Variants in MARF1 observed in about 807,000 individuals in gnomAD.
MARF1 encodes the protein limkain-b1.
A neutral mutation model predicts 168.2 loss-of-function variants in MARF1; 24 were observed. The observed-to-expected ratio is 0.14, with a 90% CI of 0.10 to 0.20. The LOEUF (loss-of-function observed/expected upper bound fraction) is 0.20. MARF1 is among the 10% of genes least tolerant of loss of function. The probability of loss-of-function intolerance (pLI) is 1.00; values close to 1 mark genes in which losing one functional copy is unlikely to be tolerated. For missense variants in MARF1, 1,744 were observed against 2,143.6 expected, an observed-to-expected ratio of 0.81 and a Z score of 3.68; for synonymous variants, 868 against 822.4, an observed-to-expected ratio of 1.06 and a Z score of -0.95.
Position 15,625,624 on chromosome 16 carries a change from T to C in MARF1, c.1701A>G (p.Arg567=). ...TACCAAAGACATCTTCGTTTTCCAT[T>C]CGCTTCTGAGCGCGCTCTGCACTAT... ...NQDSAERAQK[R]MENEDVFGNR... is the part of the protein sequence containing the mutation. The change falls in exon 8 of 27, where the codon CGA becomes CGG. Residue 567 remains arginine, a synonymous_variant. Coordinates refer to ENST00000396368, the MANE Select transcript of MARF1 (RefSeq NM_014647.4). 1.9e-6 allele frequency: 3 copies of C among 1,614,254 alleles called. No homozygotes were observed. The highest frequency in any genetic ancestry group is 2.5e-6 in the Non-Finnish European group (3 of 1,180,048).
chr16:15,621,707 A>C, intron 12 of MARF1, 26 bp downstream of exon 12: 4 of 1,595,362 alleles, frequency 2.5e-6, no homozygotes, highest in Non-Finnish European at 3.4e-6. Flanking sequence ...TTATTTCCTG[A>C]AATAAACAGC....
chr16:15,604,770 C>T (rs72770191), intron 21 of MARF1, among the ~76,000 whole-genome samples: 7,897 of 151,970 alleles, frequency 0.052, 269 homozygotes, highest in South Asian at 0.081. Context: ...TTGCTGTGCT[C>T]GAAGGGGGGT....
At chr16:15,623,217 G>A (rs1013796287) in intron 10 of MARF1, 94 bp from the exon 11 acceptor site, 80 of 850,802 alleles carry the variant, frequency 9.4e-5, no homozygotes, top group Non-Finnish European at 1.2e-4. Context: ...ATATACAGAA[G>A]CAGATTTTCC....
chr16:15,602,117 A>T lies in MARF1; in HGVS notation c.4500T>A (p.Thr1500=). ...FAKNVRSLLH[T]YHYQQIFLHE... ...GAAGGAAAATCTGCTGGTAGTGGTA[A>T]GTATGAAGTAAAGACCGCACATTCT... Residue 1500 remains threonine (T), a synonymous_variant, in exon 23 of 27, where the codon ACT becomes ACA. Coordinates refer to ENST00000396368, the MANE Select transcript of MARF1 (RefSeq NM_014647.4). 6.2e-7 allele frequency: 1 copy of T among 1,614,202 alleles called. No homozygotes were observed. Among genetic ancestry groups the T allele is most frequent in the Non-Finnish European group, 8.5e-7 (1 of 1,180,010 alleles).
chr16:15,621,267 C>G (rs1051753338), intron 12 of MARF1, among the ~76,000 whole-genome samples: 1 of 152,140 alleles, frequency 6.6e-6, no homozygotes, highest in Non-Finnish European at 1.5e-5. Flanking sequence ...TGAATAAAAC[C>G]ATCACCAGAC....
Position 15,600,479 on chromosome 16 carries a change from C to T in MARF1, c.4762G>A (p.Val1588Met). The T allele has an allele frequency of 1.2e-6, 2 of 1,614,176 alleles. No individual in the cohort carries two copies. The highest frequency in any genetic ancestry group is 1.3e-5 in the African/African-American group (1 of 75,040). Residue 1588 changes from valine to methionine, a missense_variant, in exon 25 of 27, where the codon GTG (valine) becomes ATG (methionine). Val to Met is a conservative substitution (Grantham distance 21). Around this residue, in one of 7 missense-constraint regions of MARF1, gnomAD observed 313 missense variants for 337.4 expected, o/e 0.93. Coordinates refer to ENST00000396368, the MANE Select transcript of MARF1 (RefSeq NM_014647.4). ...QPSEGERILEVPESHTASELK... is the reference protein window; with the variant it reads ...QPSEGERILEMPESHTASELK... ...TCCGAGGCTGTGTGCGATTCGGGCA[C>T]CTCCAGGATGCGCTCGCCCTCCGAG...
chr16:15,598,103 C>T (rs1422591579), intron 26 of MARF1, among the ~76,000 whole-genome samples: 2 of 152,154 alleles, frequency 1.3e-5, no homozygotes, highest in African/African-American at 4.8e-5. Context: ...GGGATCTGTA[C>T]AGGGCAGATG....
intron 17 of MARF1, among the ~76,000 whole-genome samples, chr16:15,612,087 G>A (rs2033614795): frequency 6.6e-6 from 1 of 152,330 alleles, no homozygotes; most frequent in South Asian, 2.1e-4. Flanking sequence ...TTTTTAGTGA[G>A]TGGGAAGCTG....
chr16:15,597,270 C>T (rs1261705974), intron 26 of MARF1, among the ~76,000 whole-genome samples: 1 of 152,176 alleles, frequency 6.6e-6, no homozygotes, highest in Non-Finnish European at 1.5e-5. Context: ...TATTAAGGAC[C>T]CATAAAGCTA....
chr16:15,641,121 T>A (rs1202654578), intron 1 of MARF1, among the ~76,000 whole-genome samples: 1 of 152,080 alleles, frequency 6.6e-6, no homozygotes, highest in African/African-American at 2.4e-5. Context: ...TTCAAGTTTC[T>A]GTTTCCTCCT....
At chr16:15,599,194 T>C in intron 25 of MARF1, 170 bp from the exon 26 acceptor site, 1 of 633,848 alleles carries the variant, frequency 1.6e-6, no homozygotes, top group Non-Finnish European at 2.7e-6. Flanking sequence ...CAAAACCCAC[T>C]AACAGGAAGA....
In MARF1 at chr16:15,631,469, T is replaced by C. The variant is rs1009079932; in HGVS notation, c.1263A>G (p.Ala421=). Residue 421 remains alanine (A), a synonymous_variant, in exon 6 of 27, where the codon GCA becomes GCG. Coordinates refer to ENST00000396368, the MANE Select transcript of MARF1 (RefSeq NM_014647.4). ...QVTVAHINAT[A]KNAADDKLRQ... is the part of the protein sequence containing the mutation. Reference sequence around the variant, plus strand: ...GCAGTTTATCATCAGCGGCATTCTTTGCAGTAGCATTGATGTGGGCAACGG... The same window carrying C: ...GCAGTTTATCATCAGCGGCATTCTTCGCAGTAGCATTGATGTGGGCAACGG... 6 of 1,612,970 alleles carry C rather than the reference T, an allele frequency of 3.7e-6. No individual in the cohort carries two copies. Among genetic ancestry groups the C allele is most frequent in the Non-Finnish European group, 5.1e-6 (6 of 1,179,230 alleles).
chr16:15,635,206 A>T (rs967349336), intron 3 of MARF1: 2 of 442,896 alleles, frequency 4.5e-6, no homozygotes, highest in Middle Eastern at 5.9e-4. Flanking sequence ...GACCTCACAC[A>T]TATTTTACAT....
At position 15,608,324 on chromosome 16, in the gene MARF1, C is replaced by T. The variant is rs374982834; in HGVS notation, c.4149G>A (p.Ser1383=). 6.2e-6 allele frequency: 10 copies of T among 1,609,158 alleles called. No individual in the cohort carries two copies. The highest frequency in any genetic ancestry group is 2.2e-5 in the East Asian group (1 of 44,818). ...CATGGCAGAGTTTCTGAGTTAAAGC[C>T]GAAATGGAACTGACATCATAGTCTT... ...RLQDYDVSSI[S]ALTQKLCHVV... The change falls in exon 21 of 27, where the codon TCG becomes TCA. Residue 1383 remains serine (S), a synonymous_variant. Transcript: ENST00000396368.
chr16:15,630,566 A>C, intron 6 of MARF1, 62 bp from the exon 7 acceptor site: 1 of 1,471,764 alleles, frequency 6.8e-7, no homozygotes, highest in Middle Eastern at 2.5e-4. Flanking sequence ...ACAAAGACAG[A>C]CAACTCTATT....
In MARF1 at chr16:15,601,597, G is replaced by A. The variant is rs1163535811; in HGVS notation, c.4626+394C>T. ...GAATGCTCTCTCCCCTCCTTGTCAC[G>A]TGCTTCCCTCAGGCACATCCTTGAA... On this transcript the variant is annotated intron_variant, in intron 23 of 26. Transcript: ENST00000396368. 17 of 291,806 alleles carry A rather than the reference G, an allele frequency of 5.8e-5. No homozygotes were observed. In the East Asian group the frequency reaches 7.4e-4, roughly 13 times the overall value. The allele number at this position is 291,806 out of a possible 1,614,324, so 18.1% of individuals were successfully genotyped here. A position where few individuals can be genotyped will look rare whatever the true frequency, so the allele number is the denominator to read the frequency against.
chr16:15,635,681 A>C lies in MARF1; in HGVS notation c.806T>G (p.Leu269Arg). The C allele has an allele frequency of 6.2e-7, 1 of 1,613,970 alleles. No homozygotes were observed. Among genetic ancestry groups the C allele is most frequent in the Non-Finnish European group, 8.5e-7 (1 of 1,179,994 alleles). ...VVPPVCLKGSLYCEDCLNKPA... is the reference protein window; with the variant it reads ...VVPPVCLKGSRYCEDCLNKPA... ...CTTGTTTAGACAGTCTTCGCAGTAA[A>C]GTGAGCCCTTTAAACAAACCGGAGG... The change falls in exon 3 of 27, where the codon CTT (leucine) becomes CGT (arginine). Residue 269 changes from leucine (L) to arginine (R), a missense_variant. By Grantham distance (102) the Leu-to-Arg change is moderately radical. Coordinates refer to ENST00000396368, the MANE Select transcript of MARF1 (RefSeq NM_014647.4).
At chr16:15,612,938 A>G (rs1226618062) in intron 16 of MARF1, among the ~76,000 whole-genome samples, 161 bp from the exon 17 acceptor site, 1 of 152,194 alleles carries the variant, frequency 6.6e-6, no homozygotes, top group Non-Finnish European at 1.5e-5. Flanking sequence ...TTCAGGTCTC[A>G]TAGTCCAATA....
rs1488868104 is a variant in MARF1, at chr16:15,604,207, G to C, written c.4374C>G (p.Thr1458=). Residue 1458 remains threonine, a synonymous_variant, in exon 22 of 27, where the codon ACC becomes ACG. Transcript: ENST00000396368. ...GCAGGCTCTTCAGCAGTTCGGTCAA[G>C]GTCATGAATCCATATTCACAGGGGT... ...PLNPCEYGFM[T]LTELLKSLPY... 4 of 1,614,082 alleles carry C rather than the reference G, an allele frequency of 2.5e-6. No individual in the cohort carries two copies. The South Asian group carries it at 3.3e-5, about 13-fold the overall frequency.
Sources: gnomAD v4.1 joint callset for allele counts (sites outside exome capture counted in the v4.1 genomes callset) on GRCh38, gnomAD v4.1.1 for gene constraint, gnomAD v4.1.1 regional missense constraint, MANE v1.5 for transcripts, NCBI Gene and HGNC (gene_info 2026-07-23, HGNC 2026-07-21) for gene names.